The following MTHFD2L variants were observed in gnomAD, a reference collection of about 807,000 sequenced individuals.
MTHFD2L encodes methylenetetrahydrofolate dehydrogenase (NADP+ dependent) 2 like.
In MTHFD2L, 29 loss-of-function variants were observed where a neutral mutation model predicts 34.9. The ratio of observed to expected loss-of-function variants is 0.83; its 90% CI spans 0.62 to 1.13. MTHFD2L has a LOEUF of 1.13. Among genes scored for constraint, MTHFD2L ranks in the 50% most tolerant of loss-of-function variants. The pLI, the probability that MTHFD2L is intolerant of heterozygous loss-of-function variation, is 0.00. For missense variants in MTHFD2L, 481 were observed against 446.5 expected (o/e 1.08, Z -0.70); for synonymous variants, 167 against 155.7 (o/e 1.07, Z -0.54).
At chr4:74,206,348 G>A (rs546476352) in intron 5 of MTHFD2L, among the ~76,000 whole-genome samples, 58 of 152,196 alleles carry the variant, frequency 3.8e-4, no homozygotes, top group African/African-American at 1.1e-3. Context: ...TCTCAACAAC[G>A]GCTGGGTTGT....
chr4:74,263,801 T>G (rs1258687746), intron 6 of MTHFD2L, among the ~76,000 whole-genome samples: 1 of 152,034 alleles, frequency 6.6e-6, no homozygotes, highest in African/African-American at 2.4e-5. Flanking sequence ...CCTATTTAGA[T>G]GCCTTTATTT....
intron 6 of MTHFD2L, among the ~76,000 whole-genome samples, chr4:74,270,183 A>T (rs1174662397): frequency 1.3e-5 from 2 of 151,634 alleles, no homozygotes; most frequent in East Asian, 1.9e-4. Context: ...TATTATTATT[A>T]TTATACTTTA....
chr4:74,239,385 A>G (rs1741356072), intron 6 of MTHFD2L, among the ~76,000 whole-genome samples: 2 of 152,058 alleles, frequency 1.3e-5, no homozygotes, highest in Admixed American at 6.6e-5. Flanking sequence ...TATACCTAAT[A>G]TAAATGACAA....
At chr4:74,156,257 C>T (rs189645829), upstream of MTHFD2L, among the ~76,000 whole-genome samples, 1 of 152,230 alleles carries the variant, frequency 6.6e-6, no homozygotes, top group East Asian at 1.9e-4. Flanking sequence ...TCTTCTTAAC[C>T]TTTGGCAACC....
At chr4:74,209,626 G>A (rs1031642436) in intron 5 of MTHFD2L, among the ~76,000 whole-genome samples, 6 of 152,124 alleles carry the variant, frequency 3.9e-5, no homozygotes, top group Admixed American at 3.9e-4. Flanking sequence ...CCAAGTCTTT[G>A]CTGTTGTGAA....
At chr4:74,191,630 A>G (rs1267359547) in intron 3 of MTHFD2L, among the ~76,000 whole-genome samples, 2 of 152,072 alleles carry the variant, frequency 1.3e-5, no homozygotes, top group Admixed American at 1.3e-4. Context: ...AGCTCACTGC[A>G]ACCTTCGCTT....
Position 74,214,289 on chromosome 4 carries a change from G to T in MTHFD2L, c.713-11013G>T, listed in dbSNP as rs907723447. On this transcript the variant is annotated intron_variant, in intron 5 of 7. Transcript: ENST00000325278. ...TGTGATCCTTTGGAGTAGAAGAGGC[G>T]TTCTGGTTTTTGGAATTTTCAGCCT... Among the ~76,000 whole-genome samples, 4 of 151,762 alleles carry T rather than the reference G, an allele frequency of 2.6e-5. 1 individual carries two copies. The highest frequency in any genetic ancestry group is 9.7e-5 in the African/African-American group (4 of 41,084).
chr4:74,139,437 C>G (rs1307618601), intron 1 of MTHFD2L, among the ~76,000 whole-genome samples: 1 of 152,178 alleles, frequency 6.6e-6, no homozygotes, highest in African/African-American at 2.4e-5. Flanking sequence ...TGGCTGTCCT[C>G]AGGGGTATTT....
intron 1 of MTHFD2L, among the ~76,000 whole-genome samples, chr4:74,136,256 A>G (rs1343075710): frequency 1.3e-5 from 2 of 152,070 alleles, no homozygotes; most frequent in Admixed American, 6.6e-5. Context: ...AACTGTTATA[A>G]CTCATACAGG....
At chr4:74,276,925 G>C (rs1028373640) in intron 6 of MTHFD2L, among the ~76,000 whole-genome samples, 3 of 152,100 alleles carry the variant, frequency 2.0e-5, no homozygotes, top group African/African-American at 7.2e-5. Context: ...GAAAGAAAGA[G>C]GATTTTTTTT....
chr4:74,143,440 C>T, intron 1 of MTHFD2L: 1 of 985,386 alleles, frequency 1.0e-6, no homozygotes, highest in Admixed American at 6.1e-5. Context: ...CTCCAATTTT[C>T]ACGCTGAGTT....
chr4:74,147,318 A>G (rs1723652215), intron 1 of MTHFD2L, among the ~76,000 whole-genome samples: 1 of 152,112 alleles, frequency 6.6e-6, no homozygotes, highest in South Asian at 2.1e-4. Context: ...GGCTCTAACA[A>G]ACTCAGAGCC....
At chr4:74,152,440 T>C (rs2109861196) in intron 1 of MTHFD2L, among the ~76,000 whole-genome samples, 1 of 152,332 alleles carries the variant, frequency 6.6e-6, no homozygotes, top group East Asian at 1.9e-4. Flanking sequence ...TTTATATTTT[T>C]ATTGAGAATT....
At chr4:74,231,776 T>A (rs1279818110) in intron 6 of MTHFD2L, among the ~76,000 whole-genome samples, 1 of 152,234 alleles carries the variant, frequency 6.6e-6, no homozygotes, top group East Asian at 1.9e-4. Flanking sequence ...TTCATAGCGA[T>A]GTCTACTTTA....
In MTHFD2L at chr4:74,239,062, A is replaced by G. The variant is rs1048322057; in HGVS notation, c.805+13668A>G. Among the ~76,000 whole-genome samples, 4 of 152,244 alleles carry G rather than the reference A, an allele frequency of 2.6e-5. No homozygotes were observed. The South Asian group carries it at 8.3e-4, about 32-fold the overall frequency. The stretch of plus-strand genomic sequence containing the variant: ...TATGTTCATTGTGGCACTATTCACA[A>G]TAGCAAAAACTTGGAACCAACCCCA... On this transcript the variant is annotated intron_variant, in intron 6 of 7. Transcript: ENST00000325278.
At chr4:74,236,560 C>G (rs1740866416) in intron 6 of MTHFD2L, among the ~76,000 whole-genome samples, 1 of 152,204 alleles carries the variant, frequency 6.6e-6, no homozygotes, top group Admixed American at 6.5e-5. Flanking sequence ...GGGCTCAGGT[C>G]AAGGCAACTT....
chr4:74,166,312 G>GC (rs1408699717), intron 1 of MTHFD2L, among the ~76,000 whole-genome samples: 1 of 152,168 alleles, frequency 6.6e-6, no homozygotes, highest in Non-Finnish European at 1.5e-5. Flanking sequence ...GTTTGCAGCT[G>GC]CATAACTCCA....
At chr4:74,212,987 T>A (rs1736594527) in intron 5 of MTHFD2L, among the ~76,000 whole-genome samples, 1 of 152,200 alleles carries the variant, frequency 6.6e-6, no homozygotes, top group African/African-American at 2.4e-5. Flanking sequence ...TGGTTTAAAG[T>A]CTGTTTTATC....
At chr4:74,145,038 G>T (rs1473462357) in intron 1 of MTHFD2L, among the ~76,000 whole-genome samples, 1 of 151,870 alleles carries the variant, frequency 6.6e-6, no homozygotes, top group Non-Finnish European at 1.5e-5. Context: ...AACTTTAAAA[G>T]CTCTAGACTA....
Sources: allele counts gnomAD v4.1 joint callset (sites outside exome capture counted in the v4.1 genomes callset), GRCh38; gene constraint gnomAD v4.1.1; transcripts MANE v1.5; gene names NCBI Gene and HGNC (gene_info 2026-07-23, HGNC 2026-07-21).